The following GABRA2 variants were observed in gnomAD, a reference collection of about 807,000 sequenced individuals.
GABRA2 encodes the protein gamma-aminobutyric acid type A receptor subunit alpha2, also known as gamma-aminobutyric acid receptor subunit alpha-2.
In GABRA2, 16 loss-of-function variants were observed where a neutral mutation model predicts 48.7. The ratio of observed to expected loss-of-function variants is 0.33; its 90% CI spans 0.22 to 0.50. The LOEUF (loss-of-function observed/expected upper bound fraction) is 0.50. Ranked by LOEUF, GABRA2 falls within the 20% of genes least tolerant of loss-of-function variation. The pLI, the probability that GABRA2 is intolerant of heterozygous loss-of-function variation, is 0.98. For missense variants in GABRA2, 275 were observed against 535.6 expected (o/e 0.51, Z 4.80); for synonymous variants, 185 against 184.5 (o/e 1.00, Z -0.02).
chr4:46,351,337 A>T lies in GABRA2; in HGVS notation c.188-18655T>A, dbSNP rs573864534. Among the ~76,000 whole-genome samples, 130 of 152,158 alleles carry T rather than the reference A, an allele frequency of 8.5e-4. 1 individual carries two copies. The highest frequency in any genetic ancestry group is 3.1e-3 in the African/African-American group (128 of 41,560). On this transcript the variant is annotated intron_variant, in intron 3 of 9. Transcript: ENST00000381620. ...ATGAAAGGATGAAATAAAGATAACT[A>T]TTAAATTAAGCTAATGATTGAATGT...
At chr4:46,381,853 G>T (rs983596360) in intron 3 of GABRA2, among the ~76,000 whole-genome samples, 1 of 152,052 alleles carries the variant, frequency 6.6e-6, no homozygotes, top group Non-Finnish European at 1.5e-5. Flanking sequence ...AAATATATTG[G>T]TGTTAATAGT....
Position 46,248,148 on chromosome 4 carries a change from T to C in GABRA2, c.*2160A>G, listed in dbSNP as rs1560420810. On this transcript the variant is annotated 3_prime_UTR_variant, in exon 10 of 10. Transcript: ENST00000381620. ...TTACAACTGTTTTTACATATACACA[T>C]ATTTATAAATTTATAACTTATAGTC... Among the ~76,000 whole-genome samples the C allele has an allele frequency of 6.6e-6, 1 of 151,266 alleles. No homozygotes were observed. Among genetic ancestry groups the C allele is most frequent in the Non-Finnish European group, 1.5e-5 (1 of 67,486 alleles).
At chr4:46,278,541 T>A (rs926097148) in intron 8 of GABRA2, among the ~76,000 whole-genome samples, 17 of 152,290 alleles carry the variant, frequency 1.1e-4, no homozygotes, top group African/African-American at 3.8e-4. Flanking sequence ...TTGCTTCAGA[T>A]CATGACCCTC....
intron 9 of GABRA2, chr4:46,261,019 G>T (rs1416988778): frequency 6.6e-6 from 1 of 151,746 alleles, no homozygotes; most frequent in Admixed American, 6.6e-5. Flanking sequence ...TTTAATAAAA[G>T]AAGCATTTAG....
In GABRA2 at chr4:46,250,037, T is replaced by G; in HGVS notation, c.*271A>C. 6.1e-6 allele frequency: 2 copies of G among 326,792 alleles called. No individual in the cohort carries two copies. The highest frequency in any genetic ancestry group is 1.1e-5 in the Non-Finnish European group (2 of 177,866). 20.2% of individuals were successfully genotyped at this position (326,792 alleles called of 1,614,324 possible). Reference sequence around the variant, plus strand: ...TCATCTCATTTGGAAGAATAGGAAATTAATCAGGTCACTTGAAATTCACTT... The same window carrying G: ...TCATCTCATTTGGAAGAATAGGAAAGTAATCAGGTCACTTGAAATTCACTT... On this transcript the variant is annotated 3_prime_UTR_variant, in exon 10 of 10. Coordinates refer to ENST00000381620, the MANE Select transcript of GABRA2 (RefSeq NM_000807.4).
intron 4 of GABRA2, among the ~76,000 whole-genome samples, chr4:46,321,487 A>G (rs1015883150): frequency 6.6e-6 from 1 of 152,064 alleles, no homozygotes; most frequent in Admixed American, 6.6e-5. Flanking sequence ...ATAATAAAAA[A>G]TCTTTTCACA....
chr4:46,344,237 C>T (rs554727712), intron 3 of GABRA2, among the ~76,000 whole-genome samples: 1 of 151,908 alleles, frequency 6.6e-6, no homozygotes, highest in South Asian at 2.1e-4. Context: ...AATACAGTAT[C>T]TCAAAGACTA....
intron 3 of GABRA2, among the ~76,000 whole-genome samples, chr4:46,378,070 T>G (rs1398322855): frequency 1.3e-5 from 2 of 151,190 alleles, no homozygotes; most frequent in Non-Finnish European, 2.9e-5. Context: ...AGCCGCCCCA[T>G]CAGGGAGGTG....
chr4:46,317,579 A>T (rs1728752632), intron 4 of GABRA2, among the ~76,000 whole-genome samples: 1 of 151,756 alleles, frequency 6.6e-6, no homozygotes, highest in Non-Finnish European at 1.5e-5. Flanking sequence ...TAGTTAGGTG[A>T]ATTTACAATA....
chr4:46,306,394 C>T (rs992376901), intron 6 of GABRA2, among the ~76,000 whole-genome samples: 2 of 152,136 alleles, frequency 1.3e-5, no homozygotes, highest in African/African-American at 4.8e-5. Flanking sequence ...ACATAACTTC[C>T]TGACTTATTG....
chr4:46,285,125 T>C (rs1034031638), intron 8 of GABRA2, among the ~76,000 whole-genome samples: 6 of 151,844 alleles, frequency 4.0e-5, no homozygotes, highest in African/African-American at 1.4e-4. Context: ...TGTTTATCTT[T>C]GACTTTCCCC....
At chr4:46,288,873 A>G (rs1723049606) in intron 8 of GABRA2, among the ~76,000 whole-genome samples, 1 of 134,770 alleles carries the variant, frequency 7.4e-6, no homozygotes, top group Non-Finnish European at 1.6e-5. Context: ...TACAAGGAAA[A>G]AAAACAATGA....
chr4:46,371,296 A>C (rs972811537), intron 3 of GABRA2, among the ~76,000 whole-genome samples: 1 of 152,158 alleles, frequency 6.6e-6, no homozygotes, highest in Admixed American at 6.6e-5. Flanking sequence ...CCAAAGGGTA[A>C]ATTTGGAACA....
intron 9 of GABRA2, among the ~76,000 whole-genome samples, chr4:46,254,568 A>G (rs1174928314): frequency 6.6e-6 from 1 of 151,392 alleles, no homozygotes. Flanking sequence ...ATAGCCAAAA[A>G]TATACACCGT....
At chr4:46,265,005 A>G in intron 8 of GABRA2, among the ~76,000 whole-genome samples, 1 of 141,310 alleles carries the variant, frequency 7.1e-6, no homozygotes. Flanking sequence ...ATATATATGT[A>G]TAAAGAGAGA....
chr4:46,314,950 T>C (rs751417584), intron 4 of GABRA2, among the ~76,000 whole-genome samples: 17 of 152,120 alleles, frequency 1.1e-4, no homozygotes, highest in Non-Finnish European at 2.1e-4. Context: ...AATGAACATA[T>C]GCATGCATGT....
chr4:46,309,588 A>C (rs1727283061), intron 6 of GABRA2, among the ~76,000 whole-genome samples: 1 of 151,916 alleles, frequency 6.6e-6, no homozygotes, highest in African/African-American at 2.4e-5. Flanking sequence ...CTTGACATAC[A>C]AGATATAACC....
rs1421568714 is a variant in GABRA2 at position 46,389,810 on chromosome 4, A to T, written c.-86T>A. 2 of 409,984 alleles carry T rather than the reference A, an allele frequency of 4.9e-6. No individual in the cohort carries two copies. The highest frequency in any genetic ancestry group is 1.3e-4 in the African/African-American group (2 of 15,204). 25.4% of individuals were successfully genotyped at this position (409,984 alleles called of 1,614,324 possible). ...ACGAGATAGGAAACTTGGGAGAGAG[A>T]GAGAGAGAGAGAGAGAGAGAGAGAG... On this transcript the variant is annotated 5_prime_UTR_variant, in exon 1 of 10. Transcript: ENST00000381620.
At chr4:46,301,021 G>T (rs145900483) in intron 8 of GABRA2, among the ~76,000 whole-genome samples, 4 of 151,964 alleles carry the variant, frequency 2.6e-5, no homozygotes, top group African/African-American at 9.7e-5. Context: ...CTTTAGTTAC[G>T]CAAGATAAAT....
Sources: allele counts gnomAD v4.1 joint callset (sites outside exome capture counted in the v4.1 genomes callset), GRCh38; gene constraint gnomAD v4.1.1; transcripts MANE v1.5; gene names NCBI Gene and HGNC (gene_info 2026-07-23, HGNC 2026-07-21).